Variants in MUSK observed in about 807,000 individuals in gnomAD.
The protein encoded by MUSK is muscle, skeletal receptor tyrosine-protein kinase.
MUSK carries 55 observed loss-of-function variants against 88.7 expected under a neutral mutation model. The ratio of observed to expected loss-of-function variants is 0.62; its 90% CI spans 0.50 to 0.78. The LOEUF (loss-of-function observed/expected upper bound fraction) is 0.78, where lower values mean the gene tolerates loss of function less well. MUSK is among the 30% of genes least tolerant of loss of function. The pLI is 0.00. For missense variants in MUSK, 1,015 were observed against 1,074.3 expected, an observed-to-expected ratio of 0.94 and a Z score of 0.77; for synonymous variants, 387 against 391.9, an observed-to-expected ratio of 0.99 and a Z score of 0.15.
chr9:110,747,938 G>A, intron 7 of MUSK, 138 bp downstream of exon 7: 1 of 1,196,490 alleles, frequency 8.4e-7, no homozygotes, highest in Non-Finnish European at 1.2e-6. Context: ...CCTCCCCCAT[G>A]GGGATACTCC....
At chr9:110,707,169 G>C (rs10980534) in intron 5 of MUSK, among the ~76,000 whole-genome samples, 53,613 of 151,622 alleles carry the variant, frequency 0.35, 10,302 homozygotes, top group Non-Finnish European at 0.44. Context: ...GGGTGACATG[G>C]CAAAAACCTC....
At position 110,687,707 on chromosome 9, in the gene MUSK, T is replaced by C. The variant is rs2076216474; in HGVS notation, c.358+439T>C. 3.3e-5 allele frequency among the ~76,000 whole-genome samples: 5 copies of C among 151,950 alleles called. No homozygotes were observed. The South Asian group carries it at 1.0e-3, about 32-fold the overall frequency. On this transcript the variant is annotated intron_variant, in intron 3 of 14. Transcript: ENST00000374448. ...CCTGGTGATTCAGCACTGAGACAAGTTCAAGTTCAAGCACAACCCTGAGGC... is the reference window on the plus strand; with the variant it reads ...CCTGGTGATTCAGCACTGAGACAAGCTCAAGTTCAAGCACAACCCTGAGGC...
In MUSK at chr9:110,784,986, G is replaced by A. The variant is rs773818596; in HGVS notation, c.1556G>A (p.Arg519Gln). ...LLTITTLYCCRRRKQWKNKKR... is the reference protein window; with the variant it reads ...LLTITTLYCCQRRKQWKNKKR... ...ACCATAACTACTCTCTATTGCTGCCGAAGAAGAAAACAATGGAAAAATAAG... is the reference window on the plus strand; with the variant it reads ...ACCATAACTACTCTCTATTGCTGCCAAAGAAGAAAACAATGGAAAAATAAG... The change falls in exon 12 of 15, where the codon CGA (arginine) becomes CAA (glutamine). Residue 519 changes from arginine (R) to glutamine (Q), a missense_variant. Physicochemically the swap from Arg to Gln is conservative, Grantham distance 43 (BLOSUM62 1). Coordinates refer to ENST00000374448, the MANE Select transcript of MUSK (RefSeq NM_005592.4). The A allele has an allele frequency of 6.8e-6, 11 of 1,613,574 alleles. No individual in the cohort carries two copies. Among genetic ancestry groups the A allele is most frequent in the East Asian group, 4.5e-5 (2 of 44,860 alleles).
intron 11 of MUSK, among the ~76,000 whole-genome samples, chr9:110,777,669 C>T (rs764384179): frequency 6.6e-5 from 10 of 152,112 alleles, no homozygotes; most frequent in Non-Finnish European, 1.5e-4. Context: ...ATTGCTCACT[C>T]ATCCATTCAA....
intron 5 of MUSK, among the ~76,000 whole-genome samples, chr9:110,720,307 G>T (rs1049604510): frequency 6.6e-6 from 1 of 151,954 alleles, no homozygotes; most frequent in African/African-American, 2.4e-5. Context: ...CAAAAAGCTG[G>T]TTCTTTGAAA....
chr9:110,722,249 G>C (rs2076823178), intron 5 of MUSK, among the ~76,000 whole-genome samples: 1 of 152,048 alleles, frequency 6.6e-6, no homozygotes, highest in African/African-American at 2.4e-5. Flanking sequence ...ATGGGACTTG[G>C]CCGGGTGCAT....
chr9:110,705,173 A>C (rs2076581186), intron 5 of MUSK, among the ~76,000 whole-genome samples: 1 of 152,138 alleles, frequency 6.6e-6, no homozygotes, highest in African/African-American at 2.4e-5. Flanking sequence ...AAGTAACATG[A>C]ATCTTTCTGT....
At chr9:110,734,499 G>A (rs753372025) in intron 6 of MUSK, 124 bp downstream of exon 6, 4 of 1,225,754 alleles carry the variant, frequency 3.3e-6, no homozygotes, top group Non-Finnish European at 4.6e-6. Context: ...ACTTTTCAAA[G>A]CCTCCCAATA....
rs1442714798 is a variant in MUSK at position 110,805,396 on chromosome 9, A to G, written c.*4408A>G. Reference sequence around the variant, plus strand: ...ATATAATAGCTAATAGCTTAAAGTTATTTCATAGCTTATATTTACACTTCT... The same window carrying G: ...ATATAATAGCTAATAGCTTAAAGTTGTTTCATAGCTTATATTTACACTTCT... On this transcript the variant is annotated 3_prime_UTR_variant, in exon 15 of 15. Coordinates refer to ENST00000374448, the MANE Select transcript of MUSK (RefSeq NM_005592.4). 6.6e-6 allele frequency among the ~76,000 whole-genome samples: 1 copy of G among 151,922 alleles called. No homozygotes were observed. The highest frequency in any genetic ancestry group is 1.5e-5 in the Non-Finnish European group (1 of 67,822).
chr9:110,786,734 A>C (rs1306896011), intron 13 of MUSK, among the ~76,000 whole-genome samples: 1 of 152,232 alleles, frequency 6.6e-6, no homozygotes, highest in Non-Finnish European at 1.5e-5. Context: ...TATTAGGGCC[A>C]ATATTAGCCT....
At position 110,784,733 on chromosome 9, in the gene MUSK, T is replaced by C. The variant is rs187581625; in HGVS notation, c.1385-82T>C. On this transcript the variant is annotated intron_variant, in intron 11 of 14. Transcript: ENST00000374448. Reference sequence around the variant, plus strand: ...ACATAAATATATTATTATCATGAAATTTATTTTACTGATTGCTTAAATACA... The same window carrying C: ...ACATAAATATATTATTATCATGAAACTTATTTTACTGATTGCTTAAATACA... 123 of 1,092,250 alleles carry C rather than the reference T, an allele frequency of 1.1e-4. No individual in the cohort carries two copies. In the African/African-American group the frequency reaches 1.7e-3, roughly 15 times the overall value. The allele number at this position is 1,092,250 out of a possible 1,614,324, so 67.7% of individuals were successfully genotyped here.
At chr9:110,735,988 A>G (rs1341250220) in intron 6 of MUSK, among the ~76,000 whole-genome samples, 1 of 152,126 alleles carries the variant, frequency 6.6e-6, no homozygotes, top group African/African-American at 2.4e-5. Flanking sequence ...CAACTCCAAC[A>G]CTGGGAATTA....
rs4428734 is a variant in MUSK at position 110,734,153 on chromosome 9, A to C, written c.629-98A>C. On this transcript the variant is annotated intron_variant, in intron 5 of 14. Coordinates refer to ENST00000374448, the MANE Select transcript of MUSK (RefSeq NM_005592.4). ...AACAGAGCAAACACTGAAGAACTGC[A>C]CACAGGGGAACATGGTCTAATTTGC... 429,274 of 1,352,810 alleles carry C rather than the reference A, an allele frequency of 0.32. 72,678 individuals carry two copies. Among genetic ancestry groups the C allele is most frequent in the Non-Finnish European group, 0.35 (345,850 of 990,738 alleles). The allele number at this position is 1,352,810 out of a possible 1,614,324, so 83.8% of individuals were successfully genotyped here.
At chr9:110,689,949 A>AATATAATATATAAATATAAT (rs1221468618) in intron 3 of MUSK, among the ~76,000 whole-genome samples, 1 of 90,396 alleles carries the variant, frequency 1.1e-5, no homozygotes, top group Non-Finnish European at 1.9e-5. Context: ...TATATATTTA[A>AATATAATATATAAATATAAT]ATATAAATAT....
At chr9:110,752,268 T>A (rs989442984) in intron 7 of MUSK, among the ~76,000 whole-genome samples, 4 of 152,148 alleles carry the variant, frequency 2.6e-5, no homozygotes, top group Non-Finnish European at 4.4e-5. Context: ...GGAAACTACC[T>A]CCCAACACTG....
At chr9:110,798,573 T>C (rs995412024) in intron 14 of MUSK, among the ~76,000 whole-genome samples, 2 of 152,162 alleles carry the variant, frequency 1.3e-5, no homozygotes, top group Admixed American at 1.3e-4. Flanking sequence ...GCATCCATCC[T>C]TAAATCTATC....
At chr9:110,690,813 T>G (rs2076342831) in intron 3 of MUSK, among the ~76,000 whole-genome samples, 1 of 120,636 alleles carries the variant, frequency 8.3e-6, no homozygotes, top group Non-Finnish European at 1.6e-5. Flanking sequence ...TATTTAAATA[T>G]AAGTATATAT....
intron 10 of MUSK, among the ~76,000 whole-genome samples, chr9:110,776,374 T>C (rs1206895130): frequency 2.0e-5 from 3 of 152,200 alleles, no homozygotes; most frequent in Admixed American, 6.5e-5. Flanking sequence ...TGTTTGAAAA[T>C]GCTGATCTCA....
rs145918481 is a variant in MUSK, at chr9:110,804,554, G to A, written c.*3566G>A. 6.8e-4 allele frequency among the ~76,000 whole-genome samples: 103 copies of A among 151,912 alleles called. No homozygotes were observed. Among genetic ancestry groups the A allele is most frequent in the African/African-American group, 2.4e-3 (101 of 41,486 alleles). On this transcript the variant is annotated 3_prime_UTR_variant, in exon 15 of 15. Coordinates refer to ENST00000374448, the MANE Select transcript of MUSK (RefSeq NM_005592.4). ...ATTAACAGTTTTTATTTTGGCAATT[G>A]TCTACAGCCCATTTTTCTGCTGTGT...
Sources: allele counts gnomAD v4.1 joint callset (sites outside exome capture counted in the v4.1 genomes callset), GRCh38; gene constraint gnomAD v4.1.1; transcripts MANE v1.5; gene names NCBI Gene and HGNC (gene_info 2026-07-23, HGNC 2026-07-21).